The following MEF2C variants were observed in gnomAD, a reference collection of about 807,000 sequenced individuals.
MEF2C encodes the protein myocyte-specific enhancer factor 2C.
MEF2C carries 6 observed loss-of-function variants against 50.5 expected under a neutral mutation model. The ratio of observed to expected loss-of-function variants is 0.12; its 90% CI spans 0.07 to 0.23. The LOEUF (loss-of-function observed/expected upper bound fraction) is 0.23. MEF2C is among the 10% of genes least tolerant of loss of function. The pLI is 1.00. For missense variants in MEF2C, 276 were observed against 605.0 expected (o/e 0.46, Z 5.70); for synonymous variants, 183 against 228.0 (o/e 0.80, Z 1.78).
At chr5:88,886,580 A>G (rs1834070690), upstream of MEF2C, among the ~76,000 whole-genome samples, 1 of 152,194 alleles carries the variant, frequency 6.6e-6, no homozygotes, top group Admixed American at 6.5e-5. Context: ...AACCAATTGG[A>G]AGGTAGGGTC....
intron 3 of MEF2C, among the ~76,000 whole-genome samples, chr5:88,799,174 G>A (rs1797240245): frequency 6.6e-6 from 1 of 152,226 alleles, no homozygotes; most frequent in Non-Finnish European, 1.5e-5. Context: ...CAAGTACTGT[G>A]CTGGGAGATC....
chr5:88,861,075 T>C (rs1201065688), intron 1 of MEF2C, among the ~76,000 whole-genome samples: 1 of 152,196 alleles, frequency 6.6e-6, no homozygotes, highest in African/African-American at 2.4e-5. Context: ...TATAGAAAAT[T>C]TTCCTGTCAT....
intron 4 of MEF2C, among the ~76,000 whole-genome samples, chr5:88,756,595 T>G (rs1237732048): frequency 6.6e-6 from 1 of 152,232 alleles, no homozygotes; most frequent in Non-Finnish European, 1.5e-5. Context: ...GCAGGTCATT[T>G]AATCTCCCTT....
At chr5:88,871,661 C>T (rs1254991110) in intron 1 of MEF2C, among the ~76,000 whole-genome samples, 1 of 151,954 alleles carries the variant, frequency 6.6e-6, no homozygotes, top group Admixed American at 6.6e-5. Context: ...ACCATGTGAA[C>T]AGAAAAGCTG....
chr5:88,745,318 T>C (rs1768881145), intron 6 of MEF2C, among the ~76,000 whole-genome samples: 1 of 152,236 alleles, frequency 6.6e-6, no homozygotes, highest in African/African-American at 2.4e-5. Flanking sequence ...CAGGCTACTA[T>C]GTAAGCACAG....
At chr5:88,900,568 T>G (rs2150330389) in intron 1 of MEF2C, among the ~76,000 whole-genome samples, 1 of 152,024 alleles carries the variant, frequency 6.6e-6, no homozygotes, top group East Asian at 1.9e-4. Flanking sequence ...AATAAAAAAC[T>G]TTTGTACCAT....
rs1202996446 is a variant in MEF2C at position 88,741,766 on chromosome 5, G to C, written c.637+7304C>G. The C allele has an allele frequency of 4.1e-6, 4 of 984,962 alleles. No homozygotes were observed. The South Asian group carries it at 1.4e-4, about 35-fold the overall frequency. 61.0% of individuals were successfully genotyped at this position (984,962 alleles called of 1,614,324 possible). ...GGTGGTGGGTGGACTCTAAGGTCAA[G>C]AAATTGTAAAAAGAAGGCATAATGT... is the stretch of plus-strand genomic sequence containing the variant. On this transcript the variant is annotated intron_variant, in intron 6 of 10. Transcript: ENST00000504921.
rs1380755139 is a variant in MEF2C, at chr5:88,736,423, A to G, written c.638-4522T>C. On this transcript the variant is annotated intron_variant, in intron 6 of 10. Transcript: ENST00000504921. ...GCAGGAGAATGGCGTGAACCCGGGA[A>G]GCGGAGCTTGCAGTGAGCCGAGATT... 7.7e-5 allele frequency among the ~76,000 whole-genome samples: 2 copies of G among 26,052 alleles called. 1 individual carries two copies. Among genetic ancestry groups the G allele is most frequent in the Admixed American group, 6.8e-4 (2 of 2,942 alleles). The allele number at this position is 26,052 out of a possible 152,430, so 17.1% of individuals were successfully genotyped here. A position where few individuals can be genotyped will look rare whatever the true frequency, so the allele number is the denominator to read the frequency against.
intron 1 of MEF2C, among the ~76,000 whole-genome samples, chr5:88,837,072 T>C (rs1365528571): frequency 6.6e-6 from 1 of 151,682 alleles, no homozygotes; most frequent in Non-Finnish European, 1.5e-5. Context: ...TTATTTGTTA[T>C]AGGACTTTTC....
intron 1 of MEF2C, chr5:88,892,281 A>C (rs929006684): frequency 6.6e-6 from 1 of 152,056 alleles, no homozygotes; most frequent in Non-Finnish European, 1.5e-5. Context: ...TCACATGGTA[A>C]CTGTTTGATT....
chr5:88,824,612 T>C (rs1396211449), intron 1 of MEF2C, among the ~76,000 whole-genome samples: 1 of 151,824 alleles, frequency 6.6e-6, no homozygotes, highest in African/African-American at 2.4e-5. Flanking sequence ...ATAACAAGAA[T>C]CAAAAAAGAT....
intron 1 of MEF2C, among the ~76,000 whole-genome samples, chr5:88,858,757 C>T (rs1314495929): frequency 6.6e-6 from 1 of 152,048 alleles, no homozygotes; most frequent in African/African-American, 2.4e-5. Flanking sequence ...TAGAGTGATG[C>T]TTATTATACA....
intron 3 of MEF2C, among the ~76,000 whole-genome samples, chr5:88,800,177 C>T (rs1188775891): frequency 6.6e-6 from 1 of 152,042 alleles, no homozygotes; most frequent in Non-Finnish European, 1.5e-5. Context: ...AGTGATACTC[C>T]CATAAGGATT....
chr5:88,822,483 C>T (rs903484828), intron 2 of MEF2C, among the ~76,000 whole-genome samples: 1 of 151,826 alleles, frequency 6.6e-6, no homozygotes, highest in African/African-American at 2.4e-5. Flanking sequence ...AACATGCAGC[C>T]AAAAATAGTT....
intron 2 of MEF2C, among the ~76,000 whole-genome samples, chr5:88,811,972 A>C (rs894482029): frequency 6.6e-6 from 1 of 152,170 alleles, no homozygotes; most frequent in African/African-American, 2.4e-5. Context: ...AGTGGAGATA[A>C]TAACAGGCAT....
At chr5:88,882,361 G>A (rs768589648) in intron 1 of MEF2C, among the ~76,000 whole-genome samples, 6 of 152,144 alleles carry the variant, frequency 3.9e-5, no homozygotes, top group Non-Finnish European at 5.9e-5. Flanking sequence ...CTATGGCAGG[G>A]ATATTACTTT....
intron 10 of MEF2C, among the ~76,000 whole-genome samples, chr5:88,723,868 A>G (rs1303765182): frequency 6.6e-6 from 1 of 152,182 alleles, no homozygotes; most frequent in African/African-American, 2.4e-5. Context: ...CCCAGAGAGA[A>G]TAATTTTTCC....
chr5:88,884,243 A>G (rs1199474800), upstream of MEF2C: 2 of 152,160 alleles, frequency 1.3e-5, no homozygotes, highest in African/African-American at 4.8e-5. Flanking sequence ...CGACCCTAAT[A>G]GTTGCTCTTG....
upstream of MEF2C, among the ~76,000 whole-genome samples, chr5:88,885,082 A>G (rs1033122300): frequency 6.6e-6 from 1 of 152,250 alleles, no homozygotes; most frequent in Non-Finnish European, 1.5e-5. Flanking sequence ...TATCTAGCTA[A>G]CTAAAGATTT....
Sources: allele counts gnomAD v4.1 joint callset (sites outside exome capture counted in the v4.1 genomes callset), GRCh38; gene constraint gnomAD v4.1.1; transcripts MANE v1.5; gene names NCBI Gene and HGNC (gene_info 2026-07-23, HGNC 2026-07-21).